The following RBFOX1 variants were observed in gnomAD, a reference collection of about 807,000 sequenced individuals.
The protein encoded by RBFOX1 is RNA binding fox-1 homolog 1.
RBFOX1 carries 8 observed loss-of-function variants against 57.7 expected under a neutral mutation model. The ratio of observed to expected loss-of-function variants is 0.14; its 90% confidence interval spans 0.08 to 0.25. RBFOX1 has a LOEUF of 0.25. RBFOX1 is among the 10% of genes least tolerant of loss of function. The pLI is 1.00. For synonymous variants in RBFOX1, 326 were observed against 222.4 expected (o/e 1.47, Z -4.15); for missense variants, 611 against 548.5 (o/e 1.11, Z -1.14).
At chr16:6,389,004 C>T (rs1055400881) in intron 2 of RBFOX1, among the ~76,000 whole-genome samples, 1 of 152,110 alleles carries the variant, frequency 6.6e-6, no homozygotes, top group African/African-American at 2.4e-5. Flanking sequence ...AAGCCTTAAC[C>T]CTTTTATCCC....
At position 7,306,762 on chromosome 16, in the gene RBFOX1, G is replaced by A. The variant is rs182950762; in HGVS notation, c.28-211385G>A. Among the ~76,000 whole-genome samples, 687 of 152,232 alleles carry A rather than the reference G, an allele frequency of 4.5e-3. 2 individuals carry two copies. Among genetic ancestry groups the A allele is most frequent in the African/African-American group, 0.015 (640 of 41,522 alleles). ...GTCATCTGTCCTGGCCATTACTGTCGTGATAGTTCGTTTAAAAGTCTCAAG... is the reference window on the plus strand; with the variant it reads ...GTCATCTGTCCTGGCCATTACTGTCATGATAGTTCGTTTAAAAGTCTCAAG... On this transcript the variant is annotated intron_variant, in intron 4 of 15. Transcript: ENST00000550418.
chr16:6,759,241 C>T (rs372983645), intron 3 of RBFOX1, among the ~76,000 whole-genome samples: 1 of 151,676 alleles, frequency 6.6e-6, no homozygotes, highest in Non-Finnish European at 1.5e-5. Context: ...ACCTCCACCT[C>T]CTGGGTTCCA....
At chr16:6,904,599 T>TAAAAAAAAAAAAAAAAA (rs71147623) in intron 3 of RBFOX1, among the ~76,000 whole-genome samples, 1 of 64,006 alleles carries the variant, frequency 1.6e-5, no homozygotes, top group African/African-American at 6.3e-5. Context: ...AGACTCTCTC[T>TAAAAAAAAAAAAAAAAA]AAAAAAAAAA....
At chr16:6,202,913 C>A (rs562504341) in intron 1 of RBFOX1, among the ~76,000 whole-genome samples, 3 of 152,220 alleles carry the variant, frequency 2.0e-5, no homozygotes, top group South Asian at 4.1e-4. Context: ...GCTGGGACTA[C>A]AGGTGCATGC....
rs138454653 is a variant in RBFOX1, at chr16:7,511,641, A to G, written c.28-6506A>G. The stretch of plus-strand genomic sequence containing the variant: ...ATGACTTTTTTTTTTGCTTTTATGA[A>G]TCAGACTTGGTTGCATTTTAATAAT... On this transcript the variant is annotated intron_variant, in intron 4 of 15. Transcript: ENST00000550418. 9.4e-3 allele frequency among the ~76,000 whole-genome samples: 1,428 copies of G among 152,248 alleles called. 9 individuals carry two copies. The highest frequency in any genetic ancestry group is 0.017 in the Non-Finnish European group (1,159 of 68,014).
intron 4 of RBFOX1, among the ~76,000 whole-genome samples, chr16:7,095,591 G>C (rs117338403): frequency 0.01 from 1,565 of 152,288 alleles, 16 homozygotes; most frequent in Non-Finnish European, 0.016. Flanking sequence ...AGAAGGGTCT[G>C]AGCTTTCTCT....
At chr16:5,273,069 G>A (rs928570645) in intron 1 of RBFOX1, among the ~76,000 whole-genome samples, 7 of 152,146 alleles carry the variant, frequency 4.6e-5, no homozygotes, top group African/African-American at 1.7e-4. Context: ...GAGAAATGCT[G>A]CCCACTTAGA....
chr16:5,700,401 A>G (rs1309720555), intron 3 of RBFOX1, among the ~76,000 whole-genome samples: 1 of 152,172 alleles, frequency 6.6e-6, no homozygotes, highest in African/African-American at 2.4e-5. Flanking sequence ...TGGATCTAAA[A>G]TATTAGATTC....
intron 4 of RBFOX1, among the ~76,000 whole-genome samples, chr16:7,334,571 G>C (rs1389134956): frequency 2.0e-5 from 3 of 152,146 alleles, no homozygotes; most frequent in African/African-American, 4.8e-5. Context: ...ATAAGTTCCT[G>C]TTATAGATTA....
chr16:6,860,093 A>G (rs34108526), intron 3 of RBFOX1, among the ~76,000 whole-genome samples: 30,864 of 151,972 alleles, frequency 0.2, 3,322 homozygotes, highest in East Asian at 0.28. Flanking sequence ...ATTGTGTACT[A>G]TTTTTCCTCT....
At chr16:6,914,419 G>A (rs897141116) in intron 3 of RBFOX1, among the ~76,000 whole-genome samples, 3 of 152,084 alleles carry the variant, frequency 2.0e-5, no homozygotes. Flanking sequence ...GAAGAGAGAA[G>A]AGAAAAGACA....
intron 1 of RBFOX1, among the ~76,000 whole-genome samples, chr16:5,454,914 CCTTTGTTTCTTT>C (rs2068560087): frequency 7.2e-5 from 4 of 55,808 alleles, no homozygotes; most frequent in African/African-American, 2.5e-4. Context: ...TTCTTTCTTT[CCTTTGTTTCTTT>C]CTTCCTTCCT....
chr16:6,621,988 T>C (rs898808030), intron 2 of RBFOX1, among the ~76,000 whole-genome samples: 7 of 152,230 alleles, frequency 4.6e-5, no homozygotes, highest in African/African-American at 1.7e-4. Context: ...GCTAGGTTCG[T>C]GTTAGCCAAA....
rs188357411 is a variant in RBFOX1, at chr16:6,106,179, G to A, written c.-127+86187G>A. Among the ~76,000 whole-genome samples, 678 of 152,080 alleles carry A rather than the reference G, an allele frequency of 4.5e-3. 2 individuals are homozygous for A. Among genetic ancestry groups the A allele is most frequent in the Non-Finnish European group, 6.2e-3 (422 of 67,992 alleles). ...TATCAAGAATCAGGTAGTTTTGGCC[G>A]GGCCCAGTAGCTCCTGCCTGTAATT... On this transcript the variant is annotated intron_variant, in intron 1 of 15. Transcript: ENST00000550418.
chr16:5,496,516 C>G (rs771626270), intron 2 of RBFOX1, among the ~76,000 whole-genome samples: 1 of 152,132 alleles, frequency 6.6e-6, no homozygotes, highest in Non-Finnish European at 1.5e-5. Flanking sequence ...ATCTCTCGGT[C>G]GTACTCCGTG....
At chr16:6,527,370 C>A (rs2096595602) in intron 2 of RBFOX1, among the ~76,000 whole-genome samples, 1 of 151,970 alleles carries the variant, frequency 6.6e-6, no homozygotes, top group South Asian at 2.1e-4. Flanking sequence ...CTTCCTCCCC[C>A]AACAAAGTGA....
intron 3 of RBFOX1, among the ~76,000 whole-genome samples, chr16:7,035,908 A>C (rs1018634400): frequency 6.6e-6 from 1 of 152,166 alleles, no homozygotes; most frequent in Non-Finnish European, 1.5e-5. Context: ...ACATATACAG[A>C]GCAACAGTCA....
At chr16:7,118,408 C>G (rs570216105) in intron 4 of RBFOX1, among the ~76,000 whole-genome samples, 2 of 152,034 alleles carry the variant, frequency 1.3e-5, no homozygotes, top group East Asian at 1.9e-4. Context: ...AATGCCTGTT[C>G]AAGTCAGAGA....
intron 3 of RBFOX1, among the ~76,000 whole-genome samples, chr16:6,768,220 CA>C (rs2077689745): frequency 1.3e-5 from 2 of 151,874 alleles, no homozygotes; most frequent in Admixed American, 1.3e-4. Context: ...AGACCGAAAA[CA>C]AAAGAAACAA....
Sources: gnomAD v4.1 joint callset for allele counts (sites outside exome capture counted in the v4.1 genomes callset) on GRCh38, gnomAD v4.1.1 for gene constraint, MANE v1.5 for transcripts, NCBI Gene and HGNC (gene_info 2026-07-23, HGNC 2026-07-21) for gene names.